KCNN2: variants seen among roughly 807,000 people sequenced by gnomAD.
KCNN2 encodes the protein small conductance calcium-activated potassium channel protein 2.
A neutral mutation model predicts 55.5 loss-of-function variants in KCNN2; 24 were observed. The observed-to-expected ratio is 0.43, with a 90% CI of 0.31 to 0.61. The LOEUF (loss-of-function observed/expected upper bound fraction) is 0.61, where lower values mean the gene tolerates loss of function less well. Among genes scored for constraint, KCNN2 ranks in the 20% least tolerant of loss-of-function variants. The probability of loss-of-function intolerance (pLI) is 0.08; values close to 1 mark genes in which losing one functional copy is unlikely to be tolerated. For synonymous variants in KCNN2, 431 were observed against 336.1 expected, an observed-to-expected ratio of 1.28 and a Z score of -3.09; for missense variants, 754 against 853.6, an observed-to-expected ratio of 0.88 and a Z score of 1.45.
chr5:114,093,297 C>G (rs1304658060), intron 1 of KCNN2, among the ~76,000 whole-genome samples: 1 of 152,152 alleles, frequency 6.6e-6, no homozygotes, highest in Admixed American at 6.5e-5. Flanking sequence ...CCACCTCAGC[C>G]TGGACTTCAT....
intron 1 of KCNN2, among the ~76,000 whole-genome samples, chr5:114,079,692 A>G (rs150309263): frequency 2.3e-4 from 35 of 152,268 alleles, no homozygotes; most frequent in African/African-American, 8.4e-4. Flanking sequence ...TGTCTGGCAC[A>G]TAGTAGGCAC....
chr5:114,191,179 T>C lies in KCNN2; in HGVS notation c.-270-30301T>C, dbSNP rs1475545518. On this transcript the variant is annotated intron_variant, in intron 1 of 10. Transcript: ENST00000512097. ...GAACTTTATTTTTCACTGGTGTATA[T>C]AAGGTATAAAGTTTTCATAAGCTTT... 2.0e-5 allele frequency among the ~76,000 whole-genome samples: 3 copies of C among 152,306 alleles called. No homozygotes were observed. In the East Asian group the frequency reaches 5.8e-4, roughly 29 times the overall value.
At chr5:114,311,571 TC>T (rs1308049464) in intron 2 of KCNN2, among the ~76,000 whole-genome samples, 1 of 152,198 alleles carries the variant, frequency 6.6e-6, no homozygotes, top group Non-Finnish European at 1.5e-5. Context: ...GTCATCTCTT[TC>T]TACTTTGTGC....
chr5:114,073,667 C>G (rs1044277431), intron 1 of KCNN2, among the ~76,000 whole-genome samples: 2 of 152,210 alleles, frequency 1.3e-5, no homozygotes, highest in Admixed American at 1.3e-4. Flanking sequence ...AGACCATTCA[C>G]TACTTACATT....
At chr5:114,318,030 G>A (rs1345527319) in intron 2 of KCNN2, among the ~76,000 whole-genome samples, 1 of 152,142 alleles carries the variant, frequency 6.6e-6, no homozygotes, top group African/African-American at 2.4e-5. Context: ...GTACTAGAAG[G>A]ATAAGTCCAT....
intron 2 of KCNN2, among the ~76,000 whole-genome samples, chr5:114,243,409 G>A (rs1030223157): frequency 1.4e-4 from 21 of 152,144 alleles, no homozygotes; most frequent in African/African-American, 4.8e-4. Context: ...TAAATTGCAT[G>A]TAATCCTGAG....
At chr5:114,363,654 C>G (rs1261164896) in intron 1 of KCNN2, among the ~76,000 whole-genome samples, 2 of 152,188 alleles carry the variant, frequency 1.3e-5, no homozygotes, top group Non-Finnish European at 2.9e-5. Context: ...GCGCTCGCTT[C>G]GGTCCTCTAT....
intron 1 of KCNN2, among the ~76,000 whole-genome samples, chr5:114,199,623 T>C (rs1054274115): frequency 6.8e-6 from 1 of 148,066 alleles, no homozygotes; most frequent in Admixed American, 6.8e-5. Flanking sequence ...TTTTTTTTTA[T>C]GTGGCTTTTA....
At chr5:114,165,880 G>A (rs1327370958) in intron 1 of KCNN2, among the ~76,000 whole-genome samples, 1 of 152,100 alleles carries the variant, frequency 6.6e-6, no homozygotes, top group Non-Finnish European at 1.5e-5. Flanking sequence ...TTTTAACTGT[G>A]TGGGGGTTGG....
chr5:114,149,355 A>G (rs906618888), intron 1 of KCNN2, among the ~76,000 whole-genome samples: 1 of 152,144 alleles, frequency 6.6e-6, no homozygotes, highest in Non-Finnish European at 1.5e-5. Context: ...GGTGCCAGAT[A>G]TTGCAGGATC....
At chr5:114,322,240 A>G (rs28446249) in intron 2 of KCNN2, among the ~76,000 whole-genome samples, 26,661 of 152,172 alleles carry the variant, frequency 0.18, 3,837 homozygotes, top group East Asian at 0.8. Flanking sequence ...TGGGGCTTAA[A>G]GAGACATTAA....
chr5:114,315,443 GTGTGTGTGTGTGTGTGTGTGTGTATA>G (rs1223223246), intron 2 of KCNN2, among the ~76,000 whole-genome samples: 1 of 106,960 alleles, frequency 9.3e-6, no homozygotes, highest in Non-Finnish European at 1.9e-5. Context: ...GTGTGTGTGT[GTGTGTGTGTGTGTGTGTGTGTGTATA>G]TATATATAAA....
rs73243725 is a variant in KCNN2 at position 114,299,759 on chromosome 5, C to T, written c.-184-61186C>T. The stretch of plus-strand genomic sequence containing the variant: ...GCAACTTCAGGTCCTTTGAGTCTTC[C>T]AGTTTATCCTCAGCCACTTCTGTGC... On this transcript the variant is annotated intron_variant, in intron 2 of 10. Coordinates refer to the KCNN2 transcript ENST00000512097. Among the ~76,000 whole-genome samples, 695 of 152,240 alleles carry T rather than the reference C, an allele frequency of 4.6e-3. 5 individuals carry two copies. The highest frequency in any genetic ancestry group is 0.016 in the African/African-American group (668 of 41,558).
chr5:114,161,235 G>A (rs953547973), intron 1 of KCNN2, among the ~76,000 whole-genome samples: 5 of 152,176 alleles, frequency 3.3e-5, no homozygotes, highest in Admixed American at 1.3e-4. Context: ...TTGTCTGTAA[G>A]TATTTTATTT....
intron 1 of KCNN2, among the ~76,000 whole-genome samples, chr5:114,194,669 G>T (rs1458528828): frequency 2.0e-5 from 3 of 151,914 alleles, no homozygotes; most frequent in African/African-American, 7.2e-5. Flanking sequence ...ATTTATTGAT[G>T]TTATTATTTG....
At chr5:114,219,929 G>A (rs4537054) in intron 1 of KCNN2, among the ~76,000 whole-genome samples, 128,772 of 152,232 alleles carry the variant, frequency 0.85, 54,537 homozygotes, top group East Asian at 0.9. Context: ...GTGAGGGCCA[G>A]ACAGTAAAAG....
intron 2 of KCNN2, among the ~76,000 whole-genome samples, chr5:114,309,318 C>T (rs1756351574): frequency 6.6e-6 from 1 of 152,138 alleles, no homozygotes; most frequent in African/African-American, 2.4e-5. Context: ...ATTATCAAGG[C>T]CAATTCCAGC....
At chr5:114,474,164 T>G (rs934619609) in intron 5 of KCNN2, among the ~76,000 whole-genome samples, 15 of 152,190 alleles carry the variant, frequency 9.9e-5, no homozygotes, top group African/African-American at 3.1e-4. Flanking sequence ...CACTCTTGAT[T>G]TTGGTTGTAT....
chr5:114,271,306 T>C (rs567385067), intron 2 of KCNN2, among the ~76,000 whole-genome samples: 1 of 152,210 alleles, frequency 6.6e-6, no homozygotes, highest in African/African-American at 2.4e-5. Context: ...TGCTGATTGG[T>C]GCATTTTTAC....
Sources: gnomAD v4.1 joint callset for allele counts (sites outside exome capture counted in the v4.1 genomes callset) on GRCh38, gnomAD v4.1.1 for gene constraint, MANE v1.5 for transcripts, NCBI Gene and HGNC (gene_info 2026-07-23, HGNC 2026-07-21) for gene names.